Variants in DOCK1 observed in about 807,000 individuals in gnomAD.
The protein encoded by DOCK1 is dedicator of cytokinesis protein 1.
DOCK1 carries 138 observed loss-of-function variants against 262.7 expected under a neutral mutation model. The ratio of observed to expected loss-of-function variants is 0.53; its 90% CI spans 0.46 to 0.61. The LOEUF (loss-of-function observed/expected upper bound fraction) is 0.61, where lower values mean the gene tolerates loss of function less well. Among genes scored for constraint, DOCK1 ranks in the 20% least tolerant of loss-of-function variants. The pLI is 0.00. For synonymous variants in DOCK1, 866 were observed against 867.4 expected, an observed-to-expected ratio of 1.00 and a Z score of 0.03; for missense variants, 1,908 against 2,370.7, an observed-to-expected ratio of 0.80 and a Z score of 4.05.
At chr10:127,188,753 G>A (rs988930870) in intron 27 of DOCK1, among the ~76,000 whole-genome samples, 11 of 152,194 alleles carry the variant, frequency 7.2e-5, no homozygotes, top group African/African-American at 2.4e-4. Context: ...GGTAACACTT[G>A]TGTATAACAC....
chr10:127,337,378 T>G (rs943030789), intron 29 of DOCK1, among the ~76,000 whole-genome samples: 1 of 152,172 alleles, frequency 6.6e-6, no homozygotes, highest in African/African-American at 2.4e-5. Context: ...TGATTAGAGT[T>G]GCCAGGCATC....
intron 29 of DOCK1, among the ~76,000 whole-genome samples, chr10:127,263,414 G>T (rs2060247683): frequency 2.7e-5 from 1 of 36,954 alleles, no homozygotes; most frequent in Non-Finnish European, 5.5e-5. Context: ...AGGATTTAAT[G>T]ACTATCCCAA....
chr10:126,923,275 T>C (rs2033382870), intron 1 of DOCK1, among the ~76,000 whole-genome samples: 2 of 152,192 alleles, frequency 1.3e-5, no homozygotes, highest in Non-Finnish European at 2.9e-5. Context: ...TGTAATAATA[T>C]TGTATGCTAG....
At chr10:127,090,609 A>G (rs543766949) in intron 23 of DOCK1, among the ~76,000 whole-genome samples, 7 of 152,210 alleles carry the variant, frequency 4.6e-5, no homozygotes, top group Non-Finnish European at 1.0e-4. Context: ...GTTCTAGATC[A>G]TTTCCGTCAC....
chr10:127,123,998 C>T (rs1564819958), intron 25 of DOCK1, among the ~76,000 whole-genome samples: 1 of 152,228 alleles, frequency 6.6e-6, no homozygotes, highest in Non-Finnish European at 1.5e-5. Context: ...TCACTCCTTT[C>T]TTGGCGAATC....
At chr10:127,259,719 G>A (rs541464084) in intron 29 of DOCK1, among the ~76,000 whole-genome samples, 1 of 152,012 alleles carries the variant, frequency 6.6e-6, no homozygotes, top group African/African-American at 2.4e-5. Context: ...CCCTGAAGTT[G>A]CATTCATGTC....
intron 29 of DOCK1, among the ~76,000 whole-genome samples, chr10:127,288,312 T>G (rs1439649619): frequency 1.3e-5 from 2 of 152,174 alleles, no homozygotes; most frequent in African/African-American, 2.4e-5. Context: ...GGTTGATCTT[T>G]TACATTTTCC....
intron 27 of DOCK1, among the ~76,000 whole-genome samples, chr10:127,233,072 G>T (rs2058913027): frequency 6.6e-6 from 1 of 152,192 alleles, no homozygotes; most frequent in African/African-American, 2.4e-5. Flanking sequence ...TTAATTTTAT[G>T]TATGAGGCAA....
chr10:126,942,055 C>A lies in DOCK1; in HGVS notation c.47-28647C>A, dbSNP rs1027752413. ...TTCTTTTTTTTTTGAGACGGAGTCTCGCTCTGTCGCCCAGGCTGGAGTGCA... is the reference window on the plus strand; with the variant it reads ...TTCTTTTTTTTTTGAGACGGAGTCTAGCTCTGTCGCCCAGGCTGGAGTGCA... On this transcript the variant is annotated intron_variant, in intron 1 of 51. Transcript: ENST00000623213. Among the ~76,000 whole-genome samples, 791 of 151,930 alleles carry A rather than the reference C, an allele frequency of 5.2e-3. 10 individuals carry two copies. Among genetic ancestry groups the A allele is most frequent in the African/African-American group, 0.018 (756 of 41,464 alleles).
At chr10:127,349,591 T>C (rs1464360679) in intron 31 of DOCK1, among the ~76,000 whole-genome samples, 1 of 152,174 alleles carries the variant, frequency 6.6e-6, no homozygotes, top group Non-Finnish European at 1.5e-5. Flanking sequence ...AGGGCCATCA[T>C]ATCCATTTCC....
chr10:127,329,718 C>T (rs1295635914), intron 29 of DOCK1, among the ~76,000 whole-genome samples: 1 of 152,102 alleles, frequency 6.6e-6, no homozygotes, highest in Non-Finnish European at 1.5e-5. Flanking sequence ...TTTTCATTAC[C>T]CAAGCTGCTG....
chr10:126,967,694 T>C (rs2037776781), intron 1 of DOCK1, among the ~76,000 whole-genome samples: 1 of 152,170 alleles, frequency 6.6e-6, no homozygotes, highest in South Asian at 2.1e-4. Context: ...CTTTCTTGCA[T>C]CTCTTTGACC....
At position 127,409,092 on chromosome 10, in the gene DOCK1, C is replaced by T. The variant is rs779535490; in HGVS notation, c.4178C>T (p.Ala1393Val). 1.0e-5 allele frequency: 16 copies of T among 1,602,780 alleles called. 1 individual carries two copies. The Admixed American group carries it at 2.6e-4, about 26-fold the overall frequency. The part of the protein sequence containing the change: ...KEYERREDFE[A>V]RLLTQFPNAE... The stretch of plus-strand genomic sequence containing the variant: ...TATGAGCGCCGGGAAGATTTTGAGG[C>T]TCGGCTCTTAACTCAGTTTCCAAAC... Residue 1393 changes from alanine to valine, a missense_variant, in exon 41 of 52, where the codon GCT (alanine) becomes GTT (valine). Around this residue, in one of 9 missense-constraint regions of DOCK1, gnomAD observed 267 missense variants for 366.3 expected, o/e 0.73. Transcript: ENST00000623213.
chr10:127,346,481 A>C (rs945166199), intron 31 of DOCK1, among the ~76,000 whole-genome samples: 1 of 152,196 alleles, frequency 6.6e-6, no homozygotes. Context: ...CTGTGGTGCC[A>C]GCTACTCAGG....
intron 23 of DOCK1, among the ~76,000 whole-genome samples, chr10:127,069,416 G>T (rs1213434875): frequency 2.0e-5 from 3 of 152,160 alleles, no homozygotes; most frequent in Non-Finnish European, 4.4e-5. Flanking sequence ...ATGAGATGTT[G>T]GCACCGTCAT....
At chr10:126,916,071 G>A (rs1415215773) in intron 1 of DOCK1, among the ~76,000 whole-genome samples, 2 of 152,034 alleles carry the variant, frequency 1.3e-5, no homozygotes, top group Non-Finnish European at 2.9e-5. Context: ...TAGAGCACTG[G>A]ATTGACAGCC....
At position 127,419,678 on chromosome 10, in the gene DOCK1, G is replaced by A. The variant is rs1445787407; in HGVS notation, c.4705G>A (p.Asp1569Asn). The part of the protein sequence containing the change: ...FANYEKAFFT[D>N]RYLQEHPEAH... ...TTGTCTCCACCAGGCCTTCTTTACA[G>A]ACCGGTACCTGCAGGAGCACCCTGA... Residue 1569 changes from aspartate to asparagine, a missense_variant, in exon 46 of 52, where the codon GAC becomes AAC. Physicochemically the swap from Asp to Asn is conservative, Grantham distance 23. Transcript: ENST00000623213. 6.2e-7 allele frequency: 1 copy of A among 1,604,674 alleles called. No homozygotes were observed. The highest frequency in any genetic ancestry group is 1.3e-5 in the African/African-American group (1 of 74,822).
At chr10:127,383,066 C>A (rs1361165442) in intron 37 of DOCK1, among the ~76,000 whole-genome samples, 1 of 152,172 alleles carries the variant, frequency 6.6e-6, no homozygotes, top group African/African-American at 2.4e-5. Flanking sequence ...TGCTAATCAC[C>A]TCACTAAAGA....
At chr10:127,416,902 G>A (rs1482415759) in intron 44 of DOCK1, among the ~76,000 whole-genome samples, 1 of 89,334 alleles carries the variant, frequency 1.1e-5, no homozygotes, top group Admixed American at 1.2e-4. Context: ...CCTCTCAGCA[G>A]GGTGCACGTG....
Sources: allele counts gnomAD v4.1 joint callset (sites outside exome capture counted in the v4.1 genomes callset), GRCh38; gene constraint gnomAD v4.1.1; regional missense constraint gnomAD v4.1.1; transcripts MANE v1.5; gene names NCBI Gene and HGNC (gene_info 2026-07-23, HGNC 2026-07-21).